The following POTEE variants were observed in gnomAD, a reference collection of about 807,000 sequenced individuals.
POTEE encodes the protein POTE ankyrin domain family member E, also known as ANKRD26-like family C member 1A.
In POTEE, 21 loss-of-function variants were observed where a neutral mutation model predicts 74.2. The observed-to-expected ratio is 0.28, with a 90% CI of 0.20 to 0.41. POTEE has a LOEUF of 0.41. Among genes scored for constraint, POTEE ranks in the 10% least tolerant of loss-of-function variants. The pLI is 1.00. For missense variants in POTEE, 525 were observed against 1,158.6 expected (o/e 0.45, Z 7.94); for synonymous variants, 211 against 432.8 (o/e 0.49, Z 6.36).
chr2:131,253,052 A>C lies in POTEE; in HGVS notation c.1731A>C (p.Thr577=). The C allele has an allele frequency of 6.2e-7, 1 of 1,608,540 alleles. No individual in the cohort carries two copies. Among genetic ancestry groups the C allele is most frequent in the South Asian group, 1.1e-5 (1 of 90,644 alleles). The part of the protein sequence containing the change: ...DGLIPPRKSR[T]PESQQFPDTE... ...TAATTCCTCCAAGGAAGAGCAGAAC[A>C]CCTGAAAGCCAGCAATTTCCTGACA... is the stretch of plus-strand genomic sequence containing the variant. Residue 577 remains threonine, a synonymous_variant, in exon 16 of 18, where the codon ACA becomes ACC. Transcript: ENST00000683005.
At chr2:131,262,451 CATT>C (rs1701735920) in intron 17 of POTEE, among the ~76,000 whole-genome samples, 1 of 121,608 alleles carries the variant, frequency 8.2e-6, no homozygotes, top group African/African-American at 2.9e-5. Context: ...CTGTTTCAAA[CATT>C]ATAAAGAGGA....
chr2:131,254,975 T>C (rs1216062984), intron 16 of POTEE, among the ~76,000 whole-genome samples: 2 of 152,266 alleles, frequency 1.3e-5, no homozygotes, highest in East Asian at 3.8e-4. Flanking sequence ...GCTTATGTAA[T>C]CTAGAAATGT....
intron 8 of POTEE, among the ~76,000 whole-genome samples, chr2:131,229,983 T>C (rs758567158): frequency 2.0e-5 from 3 of 152,144 alleles, no homozygotes; most frequent in Non-Finnish European, 4.4e-5. Context: ...TGGTCTCCCA[T>C]GTCAGCTGGA....
intron 16 of POTEE, among the ~76,000 whole-genome samples, chr2:131,254,730 A>ATATTTTCCAAAATC (rs1174776051): frequency 7.2e-6 from 1 of 138,020 alleles, no homozygotes. Flanking sequence ...ATATTTTTCC[A>ATATTTTCCAAAATC]GTGACTTCAT....
chr2:131,216,402 A>G (rs1023773695), intron 2 of POTEE, among the ~76,000 whole-genome samples: 1 of 152,224 alleles, frequency 6.6e-6, no homozygotes, highest in Non-Finnish European at 1.5e-5. Flanking sequence ...AAAAAGAACA[A>G]ACCTGGAGGC....
chr2:131,233,348 G>T (rs1343900892), intron 9 of POTEE, among the ~76,000 whole-genome samples: 3 of 151,880 alleles, frequency 2.0e-5, no homozygotes, highest in East Asian at 1.9e-4. Context: ...AGGCATGACT[G>T]AGCTCCTATA....
chr2:131,255,565 GTTTT>G (rs752323540), intron 16 of POTEE, among the ~76,000 whole-genome samples: 923 of 13,522 alleles, frequency 0.068, 43 homozygotes, highest in African/African-American at 0.21. Context: ...CTTTCTCATA[GTTTT>G]TTTTTTTTTT....
rs778661057 is a variant in POTEE, at chr2:131,263,919, A to C, written c.2464A>C (p.Ile822Leu). The C allele has an allele frequency of 1.2e-6, 2 of 1,614,122 alleles. No homozygotes were observed. Among genetic ancestry groups the C allele is most frequent in the Non-Finnish European group, 1.7e-6 (2 of 1,180,012 alleles). ...PKANREKMTQ[I>L]MFETFNTPAM... ...GGCCAACCGCGAGAAGATGACCCAGATCATGTTTGAGACCTTCAACACCCC... is the reference window on the plus strand; with the variant it reads ...GGCCAACCGCGAGAAGATGACCCAGCTCATGTTTGAGACCTTCAACACCCC... Residue 822 changes from isoleucine to leucine, a missense_variant, in exon 18 of 18, where the codon ATC (isoleucine) becomes CTC (leucine). Physicochemically the swap from Ile to Leu is conservative, Grantham distance 5 (BLOSUM62 2). Coordinates refer to ENST00000683005, the MANE Select transcript of POTEE (RefSeq NM_001083538.3).
chr2:131,232,540 G>T (rs1700996645), intron 9 of POTEE, among the ~76,000 whole-genome samples: 1 of 142,890 alleles, frequency 7.0e-6, no homozygotes, highest in Non-Finnish European at 1.5e-5. Flanking sequence ...GATACGAGAG[G>T]TTGGGAATGA....
chr2:131,210,115 T>G, intron 1 of POTEE, among the ~76,000 whole-genome samples: 2 of 144,164 alleles, frequency 1.4e-5, no homozygotes, highest in South Asian at 2.3e-4. Flanking sequence ...AGGGAGTGGT[T>G]TGGGTGGTTA....
rs766329455 is a variant in POTEE at position 131,218,517 on chromosome 2, G to A, written c.115G>A (p.Gly39Ser). ...TTGCTTCCCCTGCTACAGGGAGAGC[G>A]GCAAGAGCAACGTGGGCACTTCTGG... ...CRCFPCYRES[G>S]KSNVGTSGDH... Residue 39 changes from glycine (G) to serine (S), a missense_variant, in exon 4 of 18, where the codon GGC becomes AGC. Coordinates refer to ENST00000683005, the MANE Select transcript of POTEE (RefSeq NM_001083538.3). The A allele has an allele frequency of 1.7e-5, 28 of 1,613,094 alleles. No individual in the cohort carries two copies. The Middle Eastern group carries it at 5.0e-4, about 29-fold the overall frequency.
chr2:131,218,682 C>G lies in POTEE; in HGVS notation c.280C>G (p.Leu94Val), dbSNP rs201013462. ...CCACGACGACTCTGCTATGAAGACA[C>G]TCAGGAACAAGATGGGGAAGTGGTG... Reference protein sequence around the residue: ...GDHDDSAMKTLRNKMGKWCCH... With the variant: ...GDHDDSAMKTVRNKMGKWCCH... Residue 94 changes from leucine to valine, a missense_variant, in exon 4 of 18, where the codon CTC (leucine) becomes GTC (valine). Physicochemically the swap from Leu to Val is conservative, Grantham distance 32 (BLOSUM62 1). Coordinates refer to ENST00000683005, the MANE Select transcript of POTEE (RefSeq NM_001083538.3). The G allele has an allele frequency of 4.5e-3, 6,135 of 1,354,544 alleles. 21 individuals are homozygous for G. Among genetic ancestry groups the G allele is most frequent in the East Asian group, 6.2e-3 (232 of 37,472 alleles). The allele number at this position is 1,354,544 out of a possible 1,614,324, so 83.9% of individuals were successfully genotyped here.
chr2:131,263,798 C>T lies in POTEE; in HGVS notation c.2343C>T (p.Asp781=). The part of the protein sequence containing the change: ...MEHGIITNWD[D]MEKIWHHTFY... ...ACGGCATCATCACCAACTGGGATGA[C>T]ATGGAGAAGATCTGGCACCACACCT... is the stretch of plus-strand genomic sequence containing the variant. The change falls in exon 18 of 18, where the codon GAC becomes GAT. Residue 781 remains aspartate, a synonymous_variant. Transcript: ENST00000683005. 1 of 1,613,810 alleles carries T rather than the reference C, an allele frequency of 6.2e-7. No homozygotes were observed. The highest frequency in any genetic ancestry group is 8.5e-7 in the Non-Finnish European group (1 of 1,179,994).
At chr2:131,235,485 C>G (rs1464535602) in intron 9 of POTEE, among the ~76,000 whole-genome samples, 1 of 151,914 alleles carries the variant, frequency 6.6e-6, no homozygotes, top group Admixed American at 6.6e-5. Context: ...AAGACGTTCT[C>G]ATAGCATTGT....
chr2:131,233,754 C>T lies in POTEE; in HGVS notation c.1126+2848C>T, dbSNP rs75093409. On this transcript the variant is annotated intron_variant, in intron 9 of 17. Transcript: ENST00000683005. ...TGGCAGTGGGAATATAAAGCAGAGGCAGAAGAGCGGTATCGTCAATATGAT... is the reference window on the plus strand; with the variant it reads ...TGGCAGTGGGAATATAAAGCAGAGGTAGAAGAGCGGTATCGTCAATATGAT... Among the ~76,000 whole-genome samples, 11 of 150,696 alleles carry T rather than the reference C, an allele frequency of 7.3e-5. No homozygotes were observed. The East Asian group carries it at 2.0e-3, about 27-fold the overall frequency.
rs185598222 is a variant in POTEE, at chr2:131,235,634, A to G, written c.1127-1098A>G. Among the ~76,000 whole-genome samples the G allele has an allele frequency of 1.7e-3, 263 of 151,912 alleles. 1 individual carries two copies. Among genetic ancestry groups the G allele is most frequent in the South Asian group, 3.1e-3 (15 of 4,796 alleles). The stretch of plus-strand genomic sequence containing the variant: ...TGGTGAAACCCCGTCTCTACTAAAA[A>G]CATGAAAATTAGCTGGGCATGATGG... On this transcript the variant is annotated intron_variant, in intron 9 of 17. Transcript: ENST00000683005.
intron 7 of POTEE, among the ~76,000 whole-genome samples, 188 bp downstream of exon 7, chr2:131,227,117 TCTC>T (rs1335262329): frequency 6.7e-6 from 1 of 150,120 alleles, no homozygotes; most frequent in Admixed American, 6.6e-5. Context: ...GGATTCATCT[TCTC>T]TTATTATATT....
At chr2:131,227,334 G>C (rs556136368) in intron 7 of POTEE, among the ~76,000 whole-genome samples, 1 of 149,640 alleles carries the variant, frequency 6.7e-6, no homozygotes, top group Non-Finnish European at 1.5e-5. Context: ...ACATAAATAG[G>C]GGTTGAAAAT....
At chr2:131,227,789 G>A (rs1573709893) in intron 7 of POTEE, among the ~76,000 whole-genome samples, 1 of 149,486 alleles carries the variant, frequency 6.7e-6, no homozygotes, top group Admixed American at 6.6e-5. Flanking sequence ...CCTAGCACAT[G>A]GTTATTGGCA....
Sources: allele counts gnomAD v4.1 joint callset (sites outside exome capture counted in the v4.1 genomes callset), GRCh38; gene constraint gnomAD v4.1.1; transcripts MANE v1.5; gene names NCBI Gene and HGNC (gene_info 2026-07-23, HGNC 2026-07-21).